Variants in SH3BGRL2 observed in about 807,000 individuals in gnomAD.
The protein encoded by SH3BGRL2 is SH3 domain-binding glutamic acid-rich-like protein 2.
A neutral mutation model predicts 14.8 loss-of-function variants in SH3BGRL2; 21 were observed. The observed-to-expected ratio is 1.42, with a 90% CI of 1.01 to 2.05. The LOEUF is 2.05. Among genes scored for constraint, SH3BGRL2 ranks in the 30% most tolerant of loss-of-function variants. SH3BGRL2 has a pLI of 0.00. For synonymous variants in SH3BGRL2, 50 were observed against 47.8 expected, an observed-to-expected ratio of 1.05 and a Z score of -0.19; for missense variants, 147 against 130.8, an observed-to-expected ratio of 1.12 and a Z score of -0.61.
chr6:79,600,388 T>A, the SH3BGRL2 span, among the ~76,000 whole-genome samples: 3 of 152,194 alleles, frequency 2.0e-5, no homozygotes, highest in Non-Finnish European at 4.4e-5. Flanking sequence ...AGCTTAGCCG[T>A]GAGCCCAGAT....
the SH3BGRL2 span, among the ~76,000 whole-genome samples, chr6:79,599,558 A>G: frequency 6.6e-6 from 1 of 152,104 alleles, no homozygotes; most frequent in African/African-American, 2.4e-5. Flanking sequence ...TTTAGTAGAG[A>G]TGTGGTTTCA....
chr6:79,619,278 CCCT>C, the SH3BGRL2 span, among the ~76,000 whole-genome samples: 85 of 152,202 alleles, frequency 5.6e-4, no homozygotes, highest in Middle Eastern at 0.02. Flanking sequence ...TAATTTCCTT[CCCT>C]TCTTACACAA....
rs1434798227 is a variant in SH3BGRL2, at chr6:79,701,102, A to G, written c.*1593A>G. The stretch of plus-strand genomic sequence containing the variant: ...CCAGGATTACAACCAGAAGGAAAGT[A>G]TGACAGATTTCTACTTAACTAGAAT... On this transcript the variant is annotated 3_prime_UTR_variant, in exon 4 of 4. Coordinates refer to ENST00000369838, the MANE Select transcript of SH3BGRL2 (RefSeq NM_031469.4). The G allele has an allele frequency of 6.6e-6, 1 of 152,214 alleles. No homozygotes were observed. Among genetic ancestry groups the G allele is most frequent in the East Asian group, 1.9e-4 (1 of 5,188 alleles). 9.4% of individuals were successfully genotyped at this position (152,214 alleles called of 1,614,324 possible).
chr6:79,658,600 CAT>C (rs1290433648), intron 1 of SH3BGRL2, among the ~76,000 whole-genome samples: 1 of 152,190 alleles, frequency 6.6e-6, no homozygotes, highest in East Asian at 1.9e-4. Flanking sequence ...CTGGAATAAA[CAT>C]ATGTGTGCAT....
chr6:79,555,115 G>A, the SH3BGRL2 span, among the ~76,000 whole-genome samples: 1 of 152,074 alleles, frequency 6.6e-6, no homozygotes, highest in Non-Finnish European at 1.5e-5. Flanking sequence ...CTGATTTATA[G>A]GCTAATTGGC....
chr6:79,699,895 G>T lies in SH3BGRL2; in HGVS notation c.*386G>T. ...AAACCCACTTCTCTTTAAGCTGCCT[G>T]GATTGCACCTTTGAAATATGTCTGC... On this transcript the variant is annotated 3_prime_UTR_variant, in exon 4 of 4. Coordinates refer to ENST00000369838, the MANE Select transcript of SH3BGRL2 (RefSeq NM_031469.4). 1 of 219,228 alleles carries T rather than the reference G, an allele frequency of 4.6e-6. No homozygotes were observed. Among genetic ancestry groups the T allele is most frequent in the South Asian group, 1.8e-4 (1 of 5,470 alleles). The allele number at this position is 219,228 out of a possible 1,614,324, so 13.6% of individuals were successfully genotyped here. A position where few individuals can be genotyped will look rare whatever the true frequency, so the allele number is the denominator to read the frequency against.
the SH3BGRL2 span, among the ~76,000 whole-genome samples, chr6:79,604,340 C>G: frequency 6.6e-6 from 1 of 152,346 alleles, no homozygotes; most frequent in South Asian, 2.1e-4. Flanking sequence ...TTCTCACCTC[C>G]AAACACTTTT....
the SH3BGRL2 span, among the ~76,000 whole-genome samples, chr6:79,571,047 T>C: frequency 1.3e-5 from 2 of 152,232 alleles, no homozygotes; most frequent in Non-Finnish European, 2.9e-5. Context: ...TTTGTTGTTA[T>C]TGTTGTTTCT....
intron 1 of SH3BGRL2, among the ~76,000 whole-genome samples, chr6:79,661,884 A>G (rs1287450263): frequency 6.6e-6 from 1 of 152,196 alleles, no homozygotes. Flanking sequence ...GCCATTATAT[A>G]ATGGCCTTCT....
chr6:79,659,201 G>A (rs1335829241), intron 1 of SH3BGRL2, among the ~76,000 whole-genome samples: 2 of 152,242 alleles, frequency 1.3e-5, no homozygotes, highest in African/African-American at 4.8e-5. Context: ...TTTTAGTCCT[G>A]AAGTCCTTGC....
chr6:79,595,790 C>G, the SH3BGRL2 span, among the ~76,000 whole-genome samples: 9 of 152,138 alleles, frequency 5.9e-5, 1 homozygote, highest in African/African-American at 9.7e-5. Flanking sequence ...TTTGCTACTT[C>G]TATTTAACTT....
intron 1 of SH3BGRL2, among the ~76,000 whole-genome samples, chr6:79,639,699 T>C (rs1768994492): frequency 6.6e-6 from 1 of 152,162 alleles, no homozygotes; most frequent in Non-Finnish European, 1.5e-5. Context: ...TAAATGTCAG[T>C]TTTTAAAAAA....
the SH3BGRL2 span, among the ~76,000 whole-genome samples, chr6:79,595,792 A>G: frequency 3.9e-5 from 6 of 152,302 alleles, no homozygotes; most frequent in Admixed American, 1.3e-4. Context: ...TGCTACTTCT[A>G]TTTAACTTTG....
chr6:79,606,509 A>AAAT, the SH3BGRL2 span, among the ~76,000 whole-genome samples: 1 of 152,152 alleles, frequency 6.6e-6, no homozygotes, highest in Non-Finnish European at 1.5e-5. Flanking sequence ...CTCACAGAAA[A>AAAT]ACTGTTGGGC....
At chr6:79,643,931 A>G (rs991028689) in intron 1 of SH3BGRL2, among the ~76,000 whole-genome samples, 1 of 152,232 alleles carries the variant, frequency 6.6e-6, no homozygotes, top group Non-Finnish European at 1.5e-5. Context: ...AAAGTTGAAT[A>G]AAACCAACTT....
the SH3BGRL2 span, among the ~76,000 whole-genome samples, chr6:79,600,913 T>C: frequency 1.7e-4 from 26 of 152,272 alleles, no homozygotes; most frequent in Admixed American, 3.9e-4. Flanking sequence ...GTGACACTGA[T>C]GTCATTGATT....
the SH3BGRL2 span, among the ~76,000 whole-genome samples, chr6:79,594,516 G>A: frequency 2.0e-5 from 3 of 152,142 alleles, 1 homozygote; most frequent in Non-Finnish European, 4.4e-5. Flanking sequence ...GGGAGCCAGA[G>A]ACACTATGTG....
chr6:79,698,979 A>G (rs1242135878), intron 3 of SH3BGRL2, among the ~76,000 whole-genome samples: 1 of 151,986 alleles, frequency 6.6e-6, no homozygotes, highest in Non-Finnish European at 1.5e-5. Flanking sequence ...CAACCGGTCA[A>G]CACTGGGTGC....
chr6:79,667,612 A>C (rs1469626983), intron 1 of SH3BGRL2, among the ~76,000 whole-genome samples: 1 of 151,836 alleles, frequency 6.6e-6, no homozygotes, highest in African/African-American at 2.4e-5. Context: ...ACAGCCAGCT[A>C]ATTTTTGTAT....
Sources: gnomAD v4.1 joint callset for allele counts (sites outside exome capture counted in the v4.1 genomes callset) on GRCh38, gnomAD v4.1.1 for gene constraint, MANE v1.5 for transcripts, NCBI Gene and HGNC (gene_info 2026-07-23, HGNC 2026-07-21) for gene names.